MYO1E: variants seen among roughly 807,000 people sequenced by gnomAD.
The protein encoded by MYO1E is myosin IE, also known as unconventional myosin-Ie.
Under a neutral mutation model 151.1 loss-of-function variants are expected in MYO1E, and 68 were observed. The observed-to-expected ratio is 0.45, with a 90% CI of 0.37 to 0.55. The LOEUF (loss-of-function observed/expected upper bound fraction) is 0.55, where lower values mean the gene tolerates loss of function less well. Among genes scored for constraint, MYO1E ranks in the 20% least tolerant of loss-of-function variants. The pLI, the probability that MYO1E is intolerant of heterozygous loss-of-function variation, is 0.00. For missense variants in MYO1E, 1,363 were observed against 1,389.3 expected (o/e 0.98, Z 0.30); for synonymous variants, 601 against 501.7 (o/e 1.20, Z -2.64).
chr15:59,236,323 G>T (rs556472133), intron 5 of MYO1E, among the ~76,000 whole-genome samples: 1 of 139,564 alleles, frequency 7.2e-6, no homozygotes. Context: ...TCCAGCCTGG[G>T]CAACAGAGCA....
intron 1 of MYO1E, among the ~76,000 whole-genome samples, chr15:59,326,810 G>A (rs2140420562): frequency 6.6e-6 from 1 of 152,224 alleles, no homozygotes; most frequent in South Asian, 2.1e-4. Context: ...TGTCAATATG[G>A]TAAAAAGGAC....
In MYO1E at chr15:59,208,745, A is replaced by T; in HGVS notation, c.1466T>A (p.Ile489Asn). ...ACTGTTGAAGTGCTCATGACTCCCA[A>T]TCTGCATCTGAAGTTTCTGGAGCAG... ...QTLLQKLQMQ[I>N]GSHEHFNSWN... Residue 489 changes from isoleucine to asparagine, a missense_variant, in exon 14 of 28, where the codon ATT (isoleucine) becomes AAT (asparagine). Transcript: ENST00000288235. The T allele has an allele frequency of 6.2e-7, 1 of 1,614,188 alleles. No homozygotes were observed. Among genetic ancestry groups the T allele is most frequent in the Non-Finnish European group, 8.5e-7 (1 of 1,180,008 alleles).
chr15:59,331,825 T>C (rs1482453026), intron 1 of MYO1E, among the ~76,000 whole-genome samples: 2 of 152,252 alleles, frequency 1.3e-5, no homozygotes, highest in East Asian at 3.8e-4. Context: ...TTTCTGTTTA[T>C]ATGTAGCTAG....
rs146314237 is a variant in MYO1E at position 59,227,679 on chromosome 15, A to C, written c.511-89T>G. On this transcript the variant is annotated intron_variant, in intron 6 of 27. Coordinates refer to ENST00000288235, the MANE Select transcript of MYO1E (RefSeq NM_004998.4). Reference sequence around the variant, plus strand: ...TTTGAATACAGTATATAATTCAAGGAAATTCATTAATAAAATACACATTCT... The same window carrying C: ...TTTGAATACAGTATATAATTCAAGGCAATTCATTAATAAAATACACATTCT... The C allele has an allele frequency of 2.4e-4, 357 of 1,500,920 alleles. 4 individuals are homozygous for C. In the African/African-American group the frequency reaches 4.4e-3, roughly 19 times the overall value. The allele number at this position is 1,500,920 out of a possible 1,614,324, so 93.0% of individuals were successfully genotyped here.
chr15:59,165,446 A>G (rs189174357), intron 22 of MYO1E, among the ~76,000 whole-genome samples: 1 of 152,266 alleles, frequency 6.6e-6, no homozygotes, highest in East Asian at 1.9e-4. Context: ...GGTCATTATC[A>G]TTACCTCAGA....
chr15:59,262,453 A>C (rs897563000), intron 2 of MYO1E, among the ~76,000 whole-genome samples: 1 of 151,966 alleles, frequency 6.6e-6, no homozygotes, highest in Non-Finnish European at 1.5e-5. Flanking sequence ...TCCATCTCTA[A>C]AAAAACAAAA....
intron 1 of MYO1E, among the ~76,000 whole-genome samples, chr15:59,306,919 G>A (rs966665784): frequency 6.6e-6 from 1 of 152,202 alleles, no homozygotes; most frequent in Non-Finnish European, 1.5e-5. Context: ...CCTGTTATGA[G>A]CAGCGTTGCA....
At chr15:59,174,700 T>C (rs1466940618) in intron 19 of MYO1E, among the ~76,000 whole-genome samples, 1 of 152,158 alleles carries the variant, frequency 6.6e-6, no homozygotes, top group Non-Finnish European at 1.5e-5. Flanking sequence ...GGGCTTGTGC[T>C]GCTGTGGAAG....
Position 59,236,552 on chromosome 15 carries a change from A to G in MYO1E, c.420+33T>C, listed in dbSNP as rs751583978. The stretch of plus-strand genomic sequence containing the variant: ...TGGAGCCTCTTACATTTCCCATAAC[A>G]TAAGGTATCATAATGGGCCACTGCC... On this transcript the variant is annotated intron_variant, in intron 5 of 27. Transcript: ENST00000288235. The G allele has an allele frequency of 3.9e-6, 6 of 1,539,944 alleles. No homozygotes were observed. In the East Asian group the frequency reaches 9.0e-5, roughly 23 times the overall value.
intron 26 of MYO1E, among the ~76,000 whole-genome samples, chr15:59,144,449 G>A (rs1419365227): frequency 1.8e-4 from 28 of 151,976 alleles, no homozygotes; most frequent in African/African-American, 6.8e-4. Context: ...TTACAGTTGT[G>A]AGCCAATGCG....
At chr15:59,340,831 G>A (rs1189326498) in intron 1 of MYO1E, among the ~76,000 whole-genome samples, 1 of 151,694 alleles carries the variant, frequency 6.6e-6, no homozygotes, top group Non-Finnish European at 1.5e-5. Context: ...AGACCAGCCT[G>A]GCCAACATGG....
chr15:59,145,960 C>A (rs372533065), intron 26 of MYO1E, among the ~76,000 whole-genome samples: 3 of 152,192 alleles, frequency 2.0e-5, no homozygotes, highest in Non-Finnish European at 4.4e-5. Flanking sequence ...GCTGCCCTCA[C>A]GACAGCACAG....
At chr15:59,208,060 G>A (rs1555411222) in intron 14 of MYO1E, 5 of 1,584,156 alleles carry the variant, frequency 3.2e-6, no homozygotes, top group Non-Finnish European at 4.3e-6. Flanking sequence ...AACACTCTGG[G>A]AAATTCAGAA....
At chr15:59,361,612 C>G (rs532657287) in intron 1 of MYO1E, among the ~76,000 whole-genome samples, 34 of 152,180 alleles carry the variant, frequency 2.2e-4, no homozygotes, top group African/African-American at 8.2e-4. Context: ...ATTTTTTCAT[C>G]TGAACTGAGA....
At chr15:59,359,475 C>G (rs1261331946) in intron 1 of MYO1E, 1 of 151,622 alleles carries the variant, frequency 6.6e-6, no homozygotes, top group African/African-American at 2.4e-5. Flanking sequence ...GATGGCAGAG[C>G]AAGACCCTGT....
intron 23 of MYO1E, among the ~76,000 whole-genome samples, chr15:59,162,213 A>T (rs1205155806): frequency 6.6e-6 from 1 of 151,204 alleles, no homozygotes; most frequent in African/African-American, 2.4e-5. Context: ...TTTTTTTTTT[A>T]TTTTTTACTT....
Position 59,135,619 on chromosome 15 carries a change from C to T in MYO1E, c.*1761G>A, listed in dbSNP as rs544313656. 93 of 152,342 alleles carry T rather than the reference C, an allele frequency of 6.1e-4. No individual in the cohort carries two copies. The highest frequency in any genetic ancestry group is 2.1e-3 in the African/African-American group (87 of 41,584). The allele number at this position is 152,342 out of a possible 1,614,324, so 9.4% of individuals were successfully genotyped here. ...CTTTTAACATTATTCGTTACTGTTA[C>T]AGAATGGAGTTTGCTCCCTGTTCTT... On this transcript the variant is annotated 3_prime_UTR_variant, in exon 28 of 28. Coordinates refer to ENST00000288235, the MANE Select transcript of MYO1E (RefSeq NM_004998.4).
Position 59,214,620 on chromosome 15 carries a change from G to C in MYO1E, c.1188+20C>G, listed in dbSNP as rs763780556. 6.3e-7 allele frequency: 1 copy of C among 1,575,358 alleles called. No homozygotes were observed. The highest frequency in any genetic ancestry group is 8.7e-7 in the Non-Finnish European group (1 of 1,144,842). ...AATACGTCACCCTCCTCAACCCCTA[G>C]TTATTAAAACTGGCCTTACCTGGAA... On this transcript the variant is annotated intron_variant, in intron 11 of 27. Transcript: ENST00000288235.
rs57750568 is a variant in MYO1E at position 59,342,299 on chromosome 15, C to CAAAT, written c.3+30195_3+30198dup. Among the ~76,000 whole-genome samples the CAAAT allele has an allele frequency of 5.7e-3, 869 of 152,304 alleles. 12 individuals carry two copies. Among genetic ancestry groups the CAAAT allele is most frequent in the Middle Eastern group, 0.02 (6 of 294 alleles). On this transcript the variant is annotated intron_variant, in intron 1 of 27. Coordinates refer to ENST00000288235, the MANE Select transcript of MYO1E (RefSeq NM_004998.4). ...AAACCCTTGTGAGATGGAAAGTTTGCAAATATTTTCTCCCATTCTGTGGGT... is the reference window on the plus strand; with the variant it reads ...AAACCCTTGTGAGATGGAAAGTTTGCAAATAAATATTTTCTCCCATTCTGTGGGT...
Sources: allele counts gnomAD v4.1 joint callset (sites outside exome capture counted in the v4.1 genomes callset), GRCh38; gene constraint gnomAD v4.1.1; transcripts MANE v1.5; gene names NCBI Gene and HGNC (gene_info 2026-07-23, HGNC 2026-07-21).